TMEM117: variants seen among roughly 807,000 people sequenced by gnomAD.
TMEM117 encodes transmembrane protein 117.
TMEM117 carries 27 observed loss-of-function variants against 52.4 expected under a neutral mutation model. The ratio of observed to expected loss-of-function variants is 0.51; its 90% CI spans 0.38 to 0.71. TMEM117 has a LOEUF of 0.71. TMEM117 is among the 30% of genes least tolerant of loss of function. The pLI is 0.00. For synonymous variants in TMEM117, 215 were observed against 206.3 expected, an observed-to-expected ratio of 1.04 and a Z score of -0.36; for missense variants, 556 against 630.5, an observed-to-expected ratio of 0.88 and a Z score of 1.26.
intron 6 of TMEM117, among the ~76,000 whole-genome samples, chr12:44,308,910 C>A (rs1371659803): frequency 6.6e-6 from 1 of 152,158 alleles, no homozygotes; most frequent in Non-Finnish European, 1.5e-5. Context: ...TCAGCCACTG[C>A]GCCCGGCCTG....
At chr12:44,067,617 A>G (rs932438232) in intron 3 of TMEM117, among the ~76,000 whole-genome samples, 1 of 152,180 alleles carries the variant, frequency 6.6e-6, no homozygotes, top group African/African-American at 2.4e-5. Context: ...TCTGAACAGT[A>G]TGTCTCAACG....
chr12:44,302,862 C>A (rs1410152861), intron 6 of TMEM117, among the ~76,000 whole-genome samples: 1 of 152,130 alleles, frequency 6.6e-6, no homozygotes, highest in Non-Finnish European at 1.5e-5. Flanking sequence ...AAGTTCACAA[C>A]CAACTAAACT....
At chr12:44,102,352 C>A (rs1947876394) in intron 3 of TMEM117, among the ~76,000 whole-genome samples, 1 of 151,962 alleles carries the variant, frequency 6.6e-6, no homozygotes, top group Non-Finnish European at 1.5e-5. Flanking sequence ...TTTCTTCTGT[C>A]TAACCCATGT....
intron 5 of TMEM117, among the ~76,000 whole-genome samples, chr12:44,223,239 T>C (rs1038637156): frequency 2.0e-5 from 3 of 152,106 alleles, no homozygotes; most frequent in African/African-American, 7.2e-5. Context: ...TGTGAACACA[T>C]AGATGAATAG....
chr12:44,162,666 A>G (rs1440432712), intron 4 of TMEM117, among the ~76,000 whole-genome samples: 1 of 152,162 alleles, frequency 6.6e-6, no homozygotes, highest in Non-Finnish European at 1.5e-5. Flanking sequence ...ATACATAAAT[A>G]AGGTTGTAAT....
At chr12:44,050,653 T>TC (rs1202594417) in intron 3 of TMEM117, among the ~76,000 whole-genome samples, 27 of 152,202 alleles carry the variant, frequency 1.8e-4, no homozygotes, top group African/African-American at 6.5e-4. Flanking sequence ...AACAAACATA[T>TC]GTTGTGGCAT....
chr12:43,948,223 G>T (rs188183560), intron 3 of TMEM117, among the ~76,000 whole-genome samples: 1 of 152,072 alleles, frequency 6.6e-6, no homozygotes, highest in African/African-American at 2.4e-5. Flanking sequence ...GTAGCACCAC[G>T]AGGAAAAACC....
intron 6 of TMEM117, among the ~76,000 whole-genome samples, chr12:44,359,177 G>C (rs764451137): frequency 6.6e-6 from 1 of 151,434 alleles, no homozygotes; most frequent in Non-Finnish European, 1.5e-5. Flanking sequence ...GGAAGATATT[G>C]ACTATGTTGG....
chr12:43,914,064 GCAGA>G (rs1944559460), intron 2 of TMEM117, among the ~76,000 whole-genome samples: 1 of 152,072 alleles, frequency 6.6e-6, no homozygotes, highest in African/African-American at 2.4e-5. Context: ...GCATCTGAGG[GCAGA>G]CAAAGTATCA....
chr12:43,844,530 A>G, intron 1 of TMEM117, 94 bp from the exon 2 acceptor site: 1 of 1,178,118 alleles, frequency 8.5e-7, no homozygotes, highest in Non-Finnish European at 1.2e-6. Context: ...TTCCAAATAC[A>G]TTTTTATGGA....
At chr12:43,801,618 A>C in the TMEM117 span, among the ~76,000 whole-genome samples, 1 of 152,184 alleles carries the variant, frequency 6.6e-6, no homozygotes, top group South Asian at 2.1e-4. Flanking sequence ...TAAATGTATG[A>C]TAATACTAAC....
At chr12:44,025,178 T>C (rs1412152528) in intron 3 of TMEM117, among the ~76,000 whole-genome samples, 1 of 152,178 alleles carries the variant, frequency 6.6e-6, no homozygotes, top group Non-Finnish European at 1.5e-5. Flanking sequence ...CTGTAAAATG[T>C]TGATGTGAAT....
At chr12:44,078,589 A>G (rs1947420782) in intron 3 of TMEM117, among the ~76,000 whole-genome samples, 1 of 152,130 alleles carries the variant, frequency 6.6e-6, no homozygotes, top group Non-Finnish European at 1.5e-5. Context: ...CTGTTTTTAC[A>G]TGTTTACATT....
chr12:43,994,261 G>A (rs535615539), intron 3 of TMEM117, among the ~76,000 whole-genome samples: 1 of 152,122 alleles, frequency 6.6e-6, no homozygotes, highest in Non-Finnish European at 1.5e-5. Flanking sequence ...GCTTTCTCCA[G>A]TCAGAACTAA....
intron 4 of TMEM117, among the ~76,000 whole-genome samples, chr12:44,189,212 A>G (rs908409174): frequency 6.6e-6 from 1 of 152,164 alleles, no homozygotes; most frequent in Admixed American, 6.6e-5. Context: ...ATATGAATGA[A>G]TAACTCCAAT....
chr12:44,310,967 C>T (rs1212896422), intron 6 of TMEM117, among the ~76,000 whole-genome samples: 4 of 152,082 alleles, frequency 2.6e-5, no homozygotes, highest in Non-Finnish European at 2.9e-5. Flanking sequence ...TTTGCTATTG[C>T]TTTGATCAGA....
chr12:44,117,616 A>G (rs1462837741), intron 3 of TMEM117, among the ~76,000 whole-genome samples: 6 of 152,144 alleles, frequency 3.9e-5, no homozygotes, highest in Non-Finnish European at 8.8e-5. Flanking sequence ...TTTGAGAATG[A>G]AACTAGGCCA....
chr12:43,973,181 CAAAATAG>C (rs1945619382), intron 3 of TMEM117, among the ~76,000 whole-genome samples: 1 of 152,016 alleles, frequency 6.6e-6, no homozygotes, highest in African/African-American at 2.4e-5. Context: ...GGTTTTTTCC[CAAAATAG>C]GGTCTGTGAC....
In TMEM117 at chr12:43,912,774, T is replaced by G. The variant is rs576972220; in HGVS notation, c.278-31436T>G. Among the ~76,000 whole-genome samples, 87 of 152,194 alleles carry G rather than the reference T, an allele frequency of 5.7e-4. 1 individual carries two copies. The South Asian group carries it at 0.013, about 23-fold the overall frequency. ...CAATTAATATATGTGTAGCCTTTAATGCATGTACCCCAAGAAAATTAGTCT... is the reference window on the plus strand; with the variant it reads ...CAATTAATATATGTGTAGCCTTTAAGGCATGTACCCCAAGAAAATTAGTCT... On this transcript the variant is annotated intron_variant, in intron 2 of 7. Transcript: ENST00000266534.
Sources: gnomAD v4.1 joint callset for allele counts (sites outside exome capture counted in the v4.1 genomes callset) on GRCh38, gnomAD v4.1.1 for gene constraint, MANE v1.5 for transcripts, NCBI Gene and HGNC (gene_info 2026-07-23, HGNC 2026-07-21) for gene names.